OR11A1: variants seen among roughly 807,000 people sequenced by gnomAD.
OR11A1 encodes the protein olfactory receptor family 11 subfamily A member 1.
For missense variants in OR11A1, 380 were observed against 378.2 expected, an observed-to-expected ratio of 1.00 and a Z score of -0.04; for synonymous variants, 158 against 152.2, an observed-to-expected ratio of 1.04 and a Z score of -0.28.
rs543857543 is a variant in OR11A1 at position 29,453,618 on chromosome 6, C to G, written c.-389+3369G>C. On this transcript the variant is annotated intron_variant, in intron 1 of 4. Transcript: ENST00000377149. The surrounding 1 kb of genome is among the most constrained non-coding windows in gnomAD (Gnocchi z 4.5). ...CAATCGTGTTTAAGGCTCAGGTATC[C>G]AGAGGTTACAGTTTTAATGAGGCGA... Among the ~76,000 whole-genome samples, 6 of 152,202 alleles carry G rather than the reference C, an allele frequency of 3.9e-5. No individual in the cohort carries two copies. The highest frequency in any genetic ancestry group is 1.4e-4 in the African/African-American group (6 of 41,528).
At chr6:29,432,611 G>A (rs191040471) in intron 1 of OR11A1, among the ~76,000 whole-genome samples, 29 of 152,248 alleles carry the variant, frequency 1.9e-4, no homozygotes, top group South Asian at 8.3e-4. Context: ...TTAAGGAGAA[G>A]GAAGGTGGCG....
At chr6:29,451,912 G>C (rs1785436547) in intron 1 of OR11A1, among the ~76,000 whole-genome samples, 1 of 152,130 alleles carries the variant, frequency 6.6e-6, no homozygotes, top group Non-Finnish European at 1.5e-5. Context: ...CAATAGCAAA[G>C]ACATGGAATC....
chr6:29,436,068 C>A (rs1241401761), intron 1 of OR11A1, among the ~76,000 whole-genome samples: 1 of 152,104 alleles, frequency 6.6e-6, no homozygotes, highest in Non-Finnish European at 1.5e-5. Context: ...AAGTCACCTG[C>A]TCCCTAACAT....
chr6:29,430,440 G>A lies in OR11A1; in HGVS notation c.-264-15C>T. ...CTATAGGATTCCTGCCAGGAGAGAG[G>A]TGAGCATGTAAATCAGGCAAGAATA... On this transcript the variant is annotated splice_polypyrimidine_tract_variant and intron_variant, in intron 2 of 4. Transcript: ENST00000377149. 1.0e-6 allele frequency: 1 copy of A among 985,358 alleles called. No homozygotes were observed. Among genetic ancestry groups the A allele is most frequent in the Non-Finnish European group, 1.2e-6 (1 of 829,886 alleles). 61.0% of individuals were successfully genotyped at this position (985,358 alleles called of 1,614,324 possible). A position where few individuals can be genotyped will look rare whatever the true frequency, so the allele number is the denominator to read the frequency against.
chr6:29,427,868 C>T, intron 4 of OR11A1, 136 bp from the exon 5 acceptor site: 1 of 697,452 alleles, frequency 1.4e-6, no homozygotes, highest in Non-Finnish European at 2.3e-6. Flanking sequence ...CTTAATTGTG[C>T]ATATTCTTTA....
intron 1 of OR11A1, among the ~76,000 whole-genome samples, chr6:29,435,369 G>T (rs1783551528): frequency 6.6e-6 from 1 of 152,208 alleles, no homozygotes; most frequent in Non-Finnish European, 1.5e-5. Context: ...TCAAGCTCAA[G>T]TTTGACAACC....
rs192154641 is a variant in OR11A1 at position 29,448,120 on chromosome 6, G to T, written c.-389+8867C>A. The stretch of plus-strand genomic sequence containing the variant: ...CAACCTCCGCCTCCTGGGTTCAAGC[G>T]ATTCTCCTGCCTCAGCCTCCCAAGT... On this transcript the variant is annotated intron_variant, in intron 1 of 4. Coordinates refer to ENST00000377149, the MANE Select transcript of OR11A1 (RefSeq NM_001394828.1). 5.4e-5 allele frequency among the ~76,000 whole-genome samples: 8 copies of T among 147,544 alleles called. No homozygotes were observed. In the East Asian group the frequency reaches 1.5e-3, roughly 27 times the overall value.
intron 1 of OR11A1, among the ~76,000 whole-genome samples, chr6:29,452,569 T>A (rs938491780): frequency 5.3e-5 from 8 of 151,986 alleles, no homozygotes; most frequent in African/African-American, 1.7e-4. Context: ...ACTGCCAACA[T>A]CTCAACAGAA....
In OR11A1 at chr6:29,425,739, G is replaced by C. The variant is rs950253857; in HGVS notation, c.*955C>G. The C allele has an allele frequency of 6.6e-6, 1 of 152,132 alleles. No individual in the cohort carries two copies. Among genetic ancestry groups the C allele is most frequent in the African/African-American group, 2.4e-5 (1 of 41,440 alleles). 9.4% of individuals were successfully genotyped at this position (152,132 alleles called of 1,614,324 possible). On this transcript the variant is annotated 3_prime_UTR_variant, in exon 5 of 5. Coordinates refer to ENST00000377149, the MANE Select transcript of OR11A1 (RefSeq NM_001394828.1). The stretch of plus-strand genomic sequence containing the variant: ...CATGGAGTACATGGGGGTTCACTGT[G>C]CTCTTCTCTTTTATGTATGTTTGAA...
chr6:29,451,294 G>A (rs1012914517), intron 1 of OR11A1, among the ~76,000 whole-genome samples: 1 of 152,178 alleles, frequency 6.6e-6, no homozygotes, highest in African/African-American at 2.4e-5. Flanking sequence ...ACAAATGGGT[G>A]AAGATTTCAT....
chr6:29,441,425 A>G (rs1316993702), intron 1 of OR11A1, among the ~76,000 whole-genome samples: 2 of 152,204 alleles, frequency 1.3e-5, no homozygotes, highest in Non-Finnish European at 2.9e-5. Flanking sequence ...TCAAGAAGTA[A>G]GGAGTGGCCA....
Position 29,447,677 on chromosome 6 carries a change from A to G in OR11A1, c.-389+9310T>C, listed in dbSNP as rs116548066. Among the ~76,000 whole-genome samples, 1,217 of 152,384 alleles carry G rather than the reference A, an allele frequency of 8.0e-3. 14 individuals are homozygous for G. The highest frequency in any genetic ancestry group is 0.025 in the East Asian group (131 of 5,192). On this transcript the variant is annotated intron_variant, in intron 1 of 4. Transcript: ENST00000377149. ...TCACCATTATGGGCCCTCTGGCAGT[A>G]TAAATGAGGCCATTGTAGAGTTATT...
intron 1 of OR11A1, among the ~76,000 whole-genome samples, chr6:29,442,685 C>A (rs1784319530): frequency 6.6e-6 from 1 of 152,002 alleles, no homozygotes; most frequent in Non-Finnish European, 1.5e-5. Flanking sequence ...CCCCACCCCC[C>A]AAAAGGGGTT....
At chr6:29,451,125 G>A (rs143662723) in intron 1 of OR11A1, among the ~76,000 whole-genome samples, 228 of 152,270 alleles carry the variant, frequency 1.5e-3, no homozygotes, top group African/African-American at 5.2e-3. Flanking sequence ...TCAATAAATG[G>A]TGCTGGGCTA....
rs998924008 is a variant in OR11A1 at position 29,456,996 on chromosome 6, C to T, written c.-398G>A. The T allele has an allele frequency of 1.3e-5, 2 of 152,166 alleles. No individual in the cohort carries two copies. Among genetic ancestry groups the T allele is most frequent in the Non-Finnish European group, 2.9e-5 (2 of 68,030 alleles). 9.4% of individuals were successfully genotyped at this position (152,166 alleles called of 1,614,324 possible). ...TGAAGGATTCACTTACAAGATGTCC[C>T]AGTCACATGTTGCACGTTTTTAGTA... On this transcript the variant is annotated 5_prime_UTR_variant, in exon 1 of 5. Coordinates refer to ENST00000377149, the MANE Select transcript of OR11A1 (RefSeq NM_001394828.1).
At chr6:29,445,802 C>T (rs1784706060) in intron 1 of OR11A1, among the ~76,000 whole-genome samples, 1 of 152,180 alleles carries the variant, frequency 6.6e-6, no homozygotes, top group African/African-American at 2.4e-5. Context: ...GTGTGCTTGT[C>T]CATTGCCAGC....
chr6:29,428,516 G>A (rs1022010198), intron 4 of OR11A1: 3 of 397,536 alleles, frequency 7.5e-6, no homozygotes, highest in African/African-American at 2.2e-5. Flanking sequence ...AGCACTTTGG[G>A]AGGCTGAGGC....
Position 29,428,674 on chromosome 6 carries a change from G to A in OR11A1, c.-92+239C>T, listed in dbSNP as rs144187090. The stretch of plus-strand genomic sequence containing the variant: ...CGGGATGCCGAGGCAGAAGAATGGC[G>A]TGAACTCAGGAGGCGGAGCTTGCAG... On this transcript the variant is annotated intron_variant, in intron 4 of 4. Coordinates refer to ENST00000377149, the MANE Select transcript of OR11A1 (RefSeq NM_001394828.1). 1.2e-4 allele frequency among the ~76,000 whole-genome samples: 17 copies of A among 146,058 alleles called. No homozygotes were observed. In the East Asian group the frequency reaches 3.6e-3, roughly 31 times the overall value.
intron 1 of OR11A1, among the ~76,000 whole-genome samples, chr6:29,448,165 C>T (rs568073114): frequency 1.7e-4 from 26 of 151,840 alleles, no homozygotes; most frequent in African/African-American, 4.8e-4. Flanking sequence ...TACAGGTGTG[C>T]GCCACCACAC....
Sources: allele counts gnomAD v4.1 joint callset (sites outside exome capture counted in the v4.1 genomes callset), GRCh38; gene constraint gnomAD v4.1.1; non-coding constraint Gnocchi (gnomAD v3.1); transcripts MANE v1.5; gene names NCBI Gene and HGNC (gene_info 2026-07-23, HGNC 2026-07-21).